ACOX1: variants seen among roughly 807,000 people sequenced by gnomAD.
ACOX1 encodes the protein acyl-CoA oxidase 1.
Under a neutral mutation model 75.5 loss-of-function variants are expected in ACOX1, and 41 were observed. That is an observed-to-expected ratio of 0.54 (90% CI 0.42 to 0.70). The LOEUF is 0.70. Among genes scored for constraint, ACOX1 ranks in the 30% least tolerant of loss-of-function variants. The pLI is 0.00. For synonymous variants in ACOX1, 303 were observed against 298.8 expected (o/e 1.01, Z -0.15); for missense variants, 630 against 837.5 (o/e 0.75, Z 3.06).
rs976163015 is a variant in ACOX1 at position 75,943,024 on chromosome 17, G to A, written c.*3724C>T. The A allele has an allele frequency of 6.6e-6, 1 of 151,950 alleles. No individual in the cohort carries two copies. The highest frequency in any genetic ancestry group is 2.4e-5 in the African/African-American group (1 of 41,334). The allele number at this position is 151,950 out of a possible 1,614,324, so 9.4% of individuals were successfully genotyped here. A position where few individuals can be genotyped will look rare whatever the true frequency, so the allele number is the denominator to read the frequency against. On this transcript the variant is annotated 3_prime_UTR_variant, in exon 14 of 14. Transcript: ENST00000293217. ...TGGGAAGTGTGGGGGGAGTGGGAGTGCAGATCACCTGGCCAACATGGTGAA... is the reference window on the plus strand; with the variant it reads ...TGGGAAGTGTGGGGGGAGTGGGAGTACAGATCACCTGGCCAACATGGTGAA...
At position 75,946,614 on chromosome 17, in the gene ACOX1, T is replaced by C. The variant is rs1478642960; in HGVS notation, c.*134A>G. On this transcript the variant is annotated 3_prime_UTR_variant, in exon 14 of 14. Coordinates refer to ENST00000293217, the MANE Select transcript of ACOX1 (RefSeq NM_004035.7). ...CATTTAATCTCTGAAATCTGTTCATTTTTTCCCTCCATTTATAAAAAGGGG... is the reference window on the plus strand; with the variant it reads ...CATTTAATCTCTGAAATCTGTTCATCTTTTCCCTCCATTTATAAAAAGGGG... 1 of 769,462 alleles carries C rather than the reference T, an allele frequency of 1.3e-6. No homozygotes were observed. The highest frequency in any genetic ancestry group is 1.7e-5 in the African/African-American group (1 of 57,402). 47.7% of individuals were successfully genotyped at this position (769,462 alleles called of 1,614,324 possible).
intron 2 of ACOX1, chr17:75,973,577 A>G: frequency 6.2e-7 from 1 of 1,603,742 alleles, no homozygotes; most frequent in Non-Finnish European, 8.5e-7. Flanking sequence ...ATCACTGTTA[A>G]CTGATGTCCT....
rs1186352023 is a variant in ACOX1, at chr17:75,967,721, C to CAT, written c.270-7348_270-7347dup. Among the ~76,000 whole-genome samples, 1,064 of 127,328 alleles carry CAT rather than the reference C, an allele frequency of 8.4e-3. 28 individuals carry two copies. The highest frequency in any genetic ancestry group is 0.026 in the African/African-American group (923 of 35,142). The allele number at this position is 127,328 out of a possible 152,430, so 83.5% of individuals were successfully genotyped here. ...ACATATATATACATATATATATACACATATATATATATACACGTATATATA... is the reference window on the plus strand; with the variant it reads ...ACATATATATACATATATATATACACATATATATATATATACACGTATATATA... On this transcript the variant is annotated intron_variant, in intron 2 of 13. Transcript: ENST00000293217.
At chr17:75,970,187 A>AAAAAAAAAAAAAAAAC (rs2065980600) in intron 2 of ACOX1, among the ~76,000 whole-genome samples, 1 of 141,384 alleles carries the variant, frequency 7.1e-6, no homozygotes, top group South Asian at 2.1e-4. Flanking sequence ...ACTCCTTCAA[A>AAAAAAAAAAAAAAAAC]AAAAAAAAAA....
In ACOX1 at chr17:75,978,488, A is replaced by G. The variant is rs1369221428; in HGVS notation, c.269+46T>C. 6 of 1,611,770 alleles carry G rather than the reference A, an allele frequency of 3.7e-6. No homozygotes were observed. The highest frequency in any genetic ancestry group is 1.1e-5 in the South Asian group (1 of 90,994). On this transcript the variant is annotated intron_variant, in intron 2 of 13. Coordinates refer to ENST00000293217, the MANE Select transcript of ACOX1 (RefSeq NM_004035.7). The surrounding 1 kb of genome is among the most constrained non-coding windows in gnomAD (Gnocchi z 4.2). ...AAAGGCCACCATAGACCGCAGCTGT[A>G]AAGTTTAGGCTTAACAACACTTGCT...
intron 2 of ACOX1, among the ~76,000 whole-genome samples, chr17:75,967,737 CG>C (rs1567885491): frequency 3.7e-5 from 5 of 135,584 alleles, no homozygotes; most frequent in African/African-American, 1.4e-4. Context: ...TATATATACA[CG>C]TATATATATA....
intron 2 of ACOX1, among the ~76,000 whole-genome samples, chr17:75,961,014 C>G (rs1250338660): frequency 6.6e-6 from 1 of 151,476 alleles, no homozygotes; most frequent in Non-Finnish European, 1.5e-5. Flanking sequence ...GAGAATTGGC[C>G]AGGTGCAGTG....
At chr17:75,956,953 CTCTCTCTCTCTCTCTCTCTA>C (rs2065833575) in intron 4 of ACOX1, among the ~76,000 whole-genome samples, 25 of 30,972 alleles carry the variant, frequency 8.1e-4, no homozygotes, top group South Asian at 3.4e-3. Context: ...CTCTCTCTCT[CTCTCTCTCTCTCTCTCTCTA>C]TATATATATA....
intron 13 of ACOX1, 56 bp from the exon 14 acceptor site, chr17:75,946,851 T>C (rs1361198354): frequency 2.6e-6 from 4 of 1,538,362 alleles, no homozygotes; most frequent in Non-Finnish European, 2.7e-6. Flanking sequence ...TGTTAAATAG[T>C]ATACTGTTTT....
At position 75,946,065 on chromosome 17, in the gene ACOX1, T is replaced by A. The variant is rs767369764; in HGVS notation, c.*683A>T. The A allele has an allele frequency of 1.9e-5, 3 of 154,730 alleles. No individual in the cohort carries two copies. The highest frequency in any genetic ancestry group is 2.9e-5 in the Non-Finnish European group (2 of 69,748). 9.6% of individuals were successfully genotyped at this position (154,730 alleles called of 1,614,324 possible). On this transcript the variant is annotated 3_prime_UTR_variant, in exon 14 of 14. Coordinates refer to ENST00000293217, the MANE Select transcript of ACOX1 (RefSeq NM_004035.7). The stretch of plus-strand genomic sequence containing the variant: ...TATACTTCCTACTACTGTGACAATT[T>A]AGCAATCCTTCAAATGGAAAATTCC...
Position 75,968,625 on chromosome 17 carries a change from G to T in ACOX1, c.270-8250C>A, listed in dbSNP as rs976255078. Among the ~76,000 whole-genome samples the T allele has an allele frequency of 2.7e-3, 276 of 103,684 alleles. 2 individuals are homozygous for T. The highest frequency in any genetic ancestry group is 0.011 in the African/African-American group (256 of 24,098). The allele number at this position is 103,684 out of a possible 152,430, so 68.0% of individuals were successfully genotyped here. On this transcript the variant is annotated intron_variant, in intron 2 of 13. Coordinates refer to ENST00000293217, the MANE Select transcript of ACOX1 (RefSeq NM_004035.7). ...CGCCTGAAAAAAAAAAAAAAAAAAA[G>T]AAATATATTAAAGTAGGCCATGTGC...
chr17:75,961,479 A>T (rs2065887689), intron 2 of ACOX1, among the ~76,000 whole-genome samples: 1 of 146,344 alleles, frequency 6.8e-6, no homozygotes, highest in African/African-American at 2.5e-5. Flanking sequence ...AAAAAAAAAA[A>T]AAAAAAAAGG....
In ACOX1 at chr17:75,979,100, A is replaced by G. The variant is rs2066090420; in HGVS notation, c.-27T>C. On this transcript the variant is annotated 5_prime_UTR_variant, in exon 1 of 14. Coordinates refer to ENST00000293217, the MANE Select transcript of ACOX1 (RefSeq NM_004035.7). ...GCGACGACCAGCTGGCAGCGAAGTA[A>G]GCACCGACCGAGGTGGCAGTGACAA... 6.2e-7 allele frequency: 1 copy of G among 1,608,410 alleles called. No individual in the cohort carries two copies.
At chr17:75,955,289 A>C (rs1471582819) in intron 6 of ACOX1, among the ~76,000 whole-genome samples, 1 of 151,988 alleles carries the variant, frequency 6.6e-6, no homozygotes, top group Non-Finnish European at 1.5e-5. Context: ...CAGTCTCCCA[A>C]GTAGCTGGGA....
In ACOX1 at chr17:75,978,872, G is replaced by A. The variant is rs759770074; in HGVS notation, c.109+93C>T. On this transcript the variant is annotated intron_variant, in intron 1 of 13. Coordinates refer to ENST00000293217, the MANE Select transcript of ACOX1 (RefSeq NM_004035.7). This position sits in a 1 kb window ranked among gnomAD's most constrained non-coding sequence, Gnocchi z 4.2. ...TCCCGGCTCCCCTAACGCTGGGCCA[G>A]AGGGCCTAGGCCCCACAGCGCCCCT... 8 of 1,598,760 alleles carry A rather than the reference G, an allele frequency of 5.0e-6. No individual in the cohort carries two copies. Among genetic ancestry groups the A allele is most frequent in the Non-Finnish European group, 6.8e-6 (8 of 1,176,802 alleles).
intron 3 of ACOX1, among the ~76,000 whole-genome samples, chr17:75,958,685 G>A (rs1274955569): frequency 6.6e-6 from 1 of 151,860 alleles, no homozygotes; most frequent in African/African-American, 2.4e-5. Flanking sequence ...GTGGGTGCCT[G>A]TAGTCCCAGC....
At chr17:75,958,008 G>A (rs532457743) in intron 3 of ACOX1, among the ~76,000 whole-genome samples, 1 of 152,200 alleles carries the variant, frequency 6.6e-6, no homozygotes, top group African/African-American at 2.4e-5. Flanking sequence ...GTACTAATGA[G>A]AAGAATGAGA....
chr17:75,946,848 T>C (rs2065724878), intron 13 of ACOX1, 53 bp from the exon 14 acceptor site: 1 of 1,545,020 alleles, frequency 6.5e-7, no homozygotes, highest in Non-Finnish European at 8.9e-7. Flanking sequence ...CCATGTTAAA[T>C]AGTATACTGT....
At chr17:75,958,580 G>C (rs562062353) in intron 3 of ACOX1, among the ~76,000 whole-genome samples, 1 of 151,404 alleles carries the variant, frequency 6.6e-6, no homozygotes, top group African/African-American at 2.4e-5. Context: ...GGGCCAAGGC[G>C]GGCGGATCAC....
Sources: gnomAD v4.1 joint callset for allele counts (sites outside exome capture counted in the v4.1 genomes callset) on GRCh38, gnomAD v4.1.1 for gene constraint, Gnocchi (gnomAD v3.1) non-coding constraint, MANE v1.5 for transcripts, NCBI Gene and HGNC (gene_info 2026-07-23, HGNC 2026-07-21) for gene names.